The following GRK5 variants were observed in gnomAD, a reference collection of about 807,000 sequenced individuals.
The protein encoded by GRK5 is g protein-coupled receptor kinase GRK5.
In GRK5, 40 loss-of-function variants were observed where a neutral mutation model predicts 78.4. That is an observed-to-expected ratio of 0.51 (90% CI 0.40 to 0.66). The LOEUF (loss-of-function observed/expected upper bound fraction) is 0.66. GRK5 is among the 30% of genes least tolerant of loss of function. The probability of loss-of-function intolerance (pLI) is 0.00; values close to 1 mark genes in which losing one functional copy is unlikely to be tolerated. For missense variants in GRK5, 598 were observed against 759.9 expected, an observed-to-expected ratio of 0.79 and a Z score of 2.50; for synonymous variants, 289 against 296.8, an observed-to-expected ratio of 0.97 and a Z score of 0.27.
At chr10:119,242,667 G>A (rs918364671) in intron 1 of GRK5, among the ~76,000 whole-genome samples, 2 of 151,844 alleles carry the variant, frequency 1.3e-5, no homozygotes, top group African/African-American at 2.4e-5. Context: ...ATTGAATCAT[G>A]GGGATGGTTT....
At chr10:119,399,539 G>C (rs941869519) in intron 4 of GRK5, among the ~76,000 whole-genome samples, 5 of 152,136 alleles carry the variant, frequency 3.3e-5, no homozygotes, top group Non-Finnish European at 5.9e-5. Flanking sequence ...CTTCCCAAAA[G>C]GTAGACCATA....
chr10:119,268,877 C>T (rs1265206690), intron 1 of GRK5, among the ~76,000 whole-genome samples: 3 of 152,224 alleles, frequency 2.0e-5, no homozygotes, highest in Non-Finnish European at 2.9e-5. Flanking sequence ...TCATCCACCA[C>T]GGCCCAGGAG....
chr10:119,348,928 G>A (rs933908709), intron 2 of GRK5, among the ~76,000 whole-genome samples: 7 of 152,128 alleles, frequency 4.6e-5, no homozygotes, highest in Non-Finnish European at 1.0e-4. Flanking sequence ...TCATATCCTC[G>A]ACCACCACAG....
chr10:119,252,994 G>A (rs1849227122), intron 1 of GRK5, among the ~76,000 whole-genome samples: 2 of 152,166 alleles, frequency 1.3e-5, no homozygotes, highest in African/African-American at 4.8e-5. Flanking sequence ...GAAGGGTGAG[G>A]GTCATGGCCA....
intron 1 of GRK5, among the ~76,000 whole-genome samples, chr10:119,322,761 CTT>C (rs1187199517): frequency 6.6e-6 from 1 of 152,176 alleles, no homozygotes; most frequent in African/African-American, 2.4e-5. Flanking sequence ...TCCCCCAAAA[CTT>C]AAACATATAT....
rs555316659 is a variant in GRK5 at position 119,271,094 on chromosome 10, C to T, written c.53-55422C>T. Among the ~76,000 whole-genome samples the T allele has an allele frequency of 6.6e-6, 1 of 152,170 alleles. No homozygotes were observed. Among genetic ancestry groups the T allele is most frequent in the South Asian group, 2.1e-4 (1 of 4,828 alleles). On this transcript the variant is annotated intron_variant, in intron 1 of 15. Transcript: ENST00000392870. The surrounding 1 kb of genome is among the most constrained non-coding windows in gnomAD (Gnocchi z 4.1). Reference sequence around the variant, plus strand: ...GCCTAGAAGTGACTGAATAGCAGACCGGGCTTTCGTAAGTAAGCTCACACT... The same window carrying T: ...GCCTAGAAGTGACTGAATAGCAGACTGGGCTTTCGTAAGTAAGCTCACACT...
chr10:119,233,692 TAAAG>T (rs1314085858), intron 1 of GRK5, among the ~76,000 whole-genome samples: 1 of 152,022 alleles, frequency 6.6e-6, no homozygotes, highest in Non-Finnish European at 1.5e-5. Context: ...ATACCTGCCT[TAAAG>T]AACCCAAGAC....
At chr10:119,328,568 G>A (rs1179592514) in intron 2 of GRK5, among the ~76,000 whole-genome samples, 2 of 152,190 alleles carry the variant, frequency 1.3e-5, no homozygotes, top group Non-Finnish European at 2.9e-5. Context: ...ATTCCTGGAT[G>A]CTGAGCCCAG....
chr10:119,225,110 A>G (rs139495648), intron 1 of GRK5, among the ~76,000 whole-genome samples: 231 of 152,368 alleles, frequency 1.5e-3, no homozygotes, highest in African/African-American at 5.3e-3. Flanking sequence ...AGAAATAAAC[A>G]GGAAAAAAAC....
intron 1 of GRK5, among the ~76,000 whole-genome samples, chr10:119,252,905 G>T (rs1490249516): frequency 6.6e-6 from 1 of 152,152 alleles, no homozygotes. Context: ...GATGTATCAG[G>T]TCAGTCACCC....
chr10:119,372,858 C>G (rs751617098), intron 2 of GRK5, among the ~76,000 whole-genome samples: 11 of 152,266 alleles, frequency 7.2e-5, no homozygotes, highest in Non-Finnish European at 1.5e-4. Flanking sequence ...CTGTGCTCAT[C>G]TCCGAGCTTG....
At chr10:119,401,121 G>A (rs1418884238) in intron 4 of GRK5, among the ~76,000 whole-genome samples, 1 of 152,170 alleles carries the variant, frequency 6.6e-6, no homozygotes, top group Non-Finnish European at 1.5e-5. Flanking sequence ...TGCCCTCCAT[G>A]GGCCCGTCAG....
intron 1 of GRK5, among the ~76,000 whole-genome samples, chr10:119,237,655 G>A (rs1848954573): frequency 6.6e-6 from 1 of 152,146 alleles, no homozygotes; most frequent in South Asian, 2.1e-4. Flanking sequence ...GTATTCAGGG[G>A]CTTGAAGGCC....
intron 1 of GRK5, among the ~76,000 whole-genome samples, chr10:119,252,180 G>A (rs540600413): frequency 1.1e-3 from 168 of 152,334 alleles, no homozygotes; most frequent in Non-Finnish European, 2.0e-3. Context: ...AGACAGCCAT[G>A]CAAAGGGAAA....
At chr10:119,353,102 A>T (rs1851211527) in intron 2 of GRK5, among the ~76,000 whole-genome samples, 1 of 152,210 alleles carries the variant, frequency 6.6e-6, no homozygotes, top group Non-Finnish European at 1.5e-5. Context: ...CAGAGATCAA[A>T]TCTTGTTCAT....
intron 5 of GRK5, among the ~76,000 whole-genome samples, chr10:119,424,008 G>A (rs1203256990): frequency 6.6e-6 from 1 of 152,170 alleles, no homozygotes; most frequent in Non-Finnish European, 1.5e-5. Context: ...CTTTCATGGA[G>A]TTTTTACAAG....
At chr10:119,262,145 T>C (rs1317073389) in intron 1 of GRK5, among the ~76,000 whole-genome samples, 1 of 152,122 alleles carries the variant, frequency 6.6e-6, no homozygotes, top group Non-Finnish European at 1.5e-5. Context: ...ACTGATTTTC[T>C]TCCTCACACA....
At chr10:119,289,687 G>T (rs999147293) in intron 1 of GRK5, among the ~76,000 whole-genome samples, 2 of 152,200 alleles carry the variant, frequency 1.3e-5, no homozygotes, top group African/African-American at 4.8e-5. Flanking sequence ...CCCGCTTCCC[G>T]AGTCTCTCCT....
chr10:119,250,601 G>A (rs562125849), intron 1 of GRK5, among the ~76,000 whole-genome samples: 2 of 146,232 alleles, frequency 1.4e-5, no homozygotes, highest in African/African-American at 2.5e-5. Context: ...CTACTGCCTC[G>A]GCCTCCCAAA....
Sources: gnomAD v4.1 joint callset for allele counts (sites outside exome capture counted in the v4.1 genomes callset) on GRCh38, gnomAD v4.1.1 for gene constraint, Gnocchi (gnomAD v3.1) non-coding constraint, MANE v1.5 for transcripts, NCBI Gene and HGNC (gene_info 2026-07-23, HGNC 2026-07-21) for gene names.